COL1A1: variants seen among roughly 807,000 people sequenced by gnomAD.
COL1A1 encodes collagen type I alpha 1 chain.
Under a neutral mutation model 195.7 loss-of-function variants are expected in COL1A1, and 21 were observed. That is an observed-to-expected ratio of 0.11 (90% CI 0.08 to 0.15). The LOEUF (loss-of-function observed/expected upper bound fraction) is 0.15, where lower values mean the gene tolerates loss of function less well. Ranked by LOEUF, COL1A1 falls within the 10% of genes least tolerant of loss-of-function variation. The probability of loss-of-function intolerance (pLI) is 1.00; values close to 1 mark genes in which losing one functional copy is unlikely to be tolerated. For missense variants in COL1A1, 1,365 were observed against 2,051.0 expected, an observed-to-expected ratio of 0.67 and a Z score of 6.46; for synonymous variants, 749 against 747.3, an observed-to-expected ratio of 1.00 and a Z score of -0.04.
rs1906242897 is a variant in COL1A1 at position 50,184,117 on chromosome 17, A to G, written c.*1385T>C. On this transcript the variant is annotated 3_prime_UTR_variant, in exon 51 of 51. Coordinates refer to ENST00000225964, the MANE Select transcript of COL1A1 (RefSeq NM_000088.4). ...CGGATTATGTTTGGGTCATTTCCAC[A>G]TGCTTTATTCCAGCAATCAAAATAA... The G allele has an allele frequency of 1.0e-5, 2 of 198,056 alleles. No individual in the cohort carries two copies. The highest frequency in any genetic ancestry group is 1.2e-4 in the Admixed American group (2 of 16,494). 12.3% of individuals were successfully genotyped at this position (198,056 alleles called of 1,614,324 possible).
rs902953578 is a variant in COL1A1, at chr17:50,196,298, G to A, written c.957+16C>T. The stretch of plus-strand genomic sequence containing the variant: ...TCCAGAGCTCAGGGATCCCCCAAGG[G>A]GCCAGGAGTACTTACAGCAGGGCCA... On this transcript the variant is annotated intron_variant, in intron 14 of 50. Transcript: ENST00000225964. The A allele has an allele frequency of 1.9e-6, 3 of 1,607,700 alleles. No homozygotes were observed. The highest frequency in any genetic ancestry group is 1.3e-5 in the African/African-American group (1 of 74,826).
intron 14 of COL1A1, 33 bp from the exon 15 acceptor site, chr17:50,196,232 A>C: frequency 1.2e-6 from 2 of 1,613,752 alleles, no homozygotes; most frequent in South Asian, 1.1e-5. Context: ...CGTTAAGTCC[A>C]CTGAGCACTG....
At position 50,187,356 on chromosome 17, in the gene COL1A1, C is replaced by T. The variant is rs2696245; in HGVS notation, c.3423+128G>A. ...AGATTGTTTGTTCAGGATTCTTCCTCTCTTTGCCCACTCCCTGTCCCTGAA... is the reference window on the plus strand; with the variant it reads ...AGATTGTTTGTTCAGGATTCTTCCTTTCTTTGCCCACTCCCTGTCCCTGAA... On this transcript the variant is annotated intron_variant, in intron 46 of 50. Coordinates refer to ENST00000225964, the MANE Select transcript of COL1A1 (RefSeq NM_000088.4). The T allele has an allele frequency of 0.98, 961,925 of 979,908 alleles. 472,242 individuals carry two copies. Among genetic ancestry groups the T allele is most frequent in the East Asian group, 1 (38,812 of 38,812 alleles). 60.7% of individuals were successfully genotyped at this position (979,908 alleles called of 1,614,324 possible).
At position 50,197,929 on chromosome 17, in the gene COL1A1, T is replaced by G. The variant is rs1294275712; in HGVS notation, c.642+20A>C. On this transcript the variant is annotated intron_variant, in intron 8 of 50. Coordinates refer to ENST00000225964, the MANE Select transcript of COL1A1 (RefSeq NM_000088.4). Reference sequence around the variant, plus strand: ...TGTGTGTTTGTAGAAGGAGTATGAATCTGTATAGAGAGTGCTTACTGAAGC... The same window carrying G: ...TGTGTGTTTGTAGAAGGAGTATGAAGCTGTATAGAGAGTGCTTACTGAAGC... 6 of 1,611,664 alleles carry G rather than the reference T, an allele frequency of 3.7e-6. No individual in the cohort carries two copies. The highest frequency in any genetic ancestry group is 5.1e-6 in the Non-Finnish European group (6 of 1,178,056).
rs1454872238 is a variant in COL1A1 at position 50,190,225 on chromosome 17, C to T, written c.2451+102G>A. The T allele has an allele frequency of 3.1e-5, 39 of 1,241,872 alleles. No individual in the cohort carries two copies. In the East Asian group the frequency reaches 8.8e-4, roughly 28 times the overall value. The allele number at this position is 1,241,872 out of a possible 1,614,324, so 76.9% of individuals were successfully genotyped here. On this transcript the variant is annotated intron_variant, in intron 35 of 50. Coordinates refer to ENST00000225964, the MANE Select transcript of COL1A1 (RefSeq NM_000088.4). This position sits in a 1 kb window ranked among gnomAD's most constrained non-coding sequence, Gnocchi z 4.7. ...TGGGTGGGAAACAATCCCGTCTCCA[C>T]CCTTCTCCCCTGAGGATGGCTGACG...
chr17:50,192,373 T>C, intron 29 of COL1A1, 102 bp downstream of exon 29: 1 of 1,351,568 alleles, frequency 7.4e-7, no homozygotes, highest in Non-Finnish European at 1.0e-6. Flanking sequence ...GCGTCTAACC[T>C]CAATCCCTCT....
Position 50,195,912 on chromosome 17 carries a change from G to A in COL1A1, c.1056+11C>T. 3 of 1,573,948 alleles carry A rather than the reference G, an allele frequency of 1.9e-6. No individual in the cohort carries two copies. The highest frequency in any genetic ancestry group is 2.6e-6 in the Non-Finnish European group (3 of 1,159,002). On this transcript the variant is annotated intron_variant, in intron 16 of 50. Coordinates refer to ENST00000225964, the MANE Select transcript of COL1A1 (RefSeq NM_000088.4). This position sits in a 1 kb window ranked among gnomAD's most constrained non-coding sequence, Gnocchi z 4.3. ...TGAGGGTCATGCTTAGAGGAGAGTG[G>A]GGGGTCTCACCTTAGCACCAACAGC...
At position 50,191,799 on chromosome 17, in the gene COL1A1, C is replaced by T. The variant is rs372215246; in HGVS notation, c.2116G>A (p.Asp706Asn). The change falls in exon 31 of 51, where the codon GAT (aspartate) becomes AAT (asparagine). Residue 706 changes from aspartate (D) to asparagine (N), a missense_variant. Transcript: ENST00000225964. Reference sequence around the variant, plus strand: ...CACGCTGCCCTCACCTTAGCACCATCGTTGCCGGGAGCACCGTTGGCCCCT... The same window carrying T: ...CACGCTGCCCTCACCTTAGCACCATTGTTGCCGGGAGCACCGTTGGCCCCT... Reference protein sequence around the residue: ...PRGANGAPGNDGAKGDAGAPG... With the variant: ...PRGANGAPGNNGAKGDAGAPG... The T allele has an allele frequency of 7.9e-5, 125 of 1,586,252 alleles. No individual in the cohort carries two copies. The highest frequency in any genetic ancestry group is 1.7e-4 in the Middle Eastern group (1 of 6,042).
chr17:50,192,466 C>A lies in COL1A1; in HGVS notation c.1983+9G>T, dbSNP rs201091992. Reference sequence around the variant, plus strand: ...TCTCCCACCCCTCTGGCCGGCTGCTCCCTCTTACCTGTTCACCAGGTTTGC... The same window carrying A: ...TCTCCCACCCCTCTGGCCGGCTGCTACCTCTTACCTGTTCACCAGGTTTGC... On this transcript the variant is annotated intron_variant, in intron 29 of 50. Transcript: ENST00000225964. The A allele has an allele frequency of 5.2e-4, 830 of 1,606,106 alleles. 11 individuals are homozygous for A. The South Asian group carries it at 8.9e-3, about 17-fold the overall frequency.
chr17:50,201,287 C>T lies in COL1A1; in HGVS notation c.103+124G>A. The T allele has an allele frequency of 3.3e-6, 3 of 915,514 alleles. No homozygotes were observed. In the South Asian group the frequency reaches 4.3e-5, roughly 13 times the overall value. The allele number at this position is 915,514 out of a possible 1,614,324, so 56.7% of individuals were successfully genotyped here. On this transcript the variant is annotated intron_variant, in intron 1 of 50. Transcript: ENST00000225964. ...TCTCAGGGCGCCGAGGAAGAGCCCT[C>T]ATCATCTCCCTTCCATTCCCGAGTC...
Position 50,201,444 on chromosome 17 carries a change from C to G in COL1A1, c.70G>C (p.Glu24Gln). The change falls in exon 1 of 51, where the codon GAG (glutamate) becomes CAG (glutamine). Residue 24 changes from glutamate (E) to glutamine (Q), a missense_variant. Transcript: ENST00000225964. ...AATALLTHGQ[E>Q]EGQVEGQDED... ...TCTTGGCCCTCGACTTGGCCTTCCT[C>G]TTGGCCGTGCGTCAGGAGGGCGGTG... 6.2e-7 allele frequency: 1 copy of G among 1,613,772 alleles called. No individual in the cohort carries two copies. The highest frequency in any genetic ancestry group is 8.5e-7 in the Non-Finnish European group (1 of 1,180,040).
Position 50,190,893 on chromosome 17 carries a change from G to C in COL1A1, c.2267C>G (p.Ser756Cys). ...ACCACGGACGCCATCTTTGCCAGGA[G>C]AGCCATCAGCACCTTTGGGACCAGC... ...GDAGPKGADGSPGKDGVRGLT... is the reference protein window; with the variant it reads ...GDAGPKGADGCPGKDGVRGLT... The change falls in exon 33 of 51, where the codon TCT becomes TGT. Residue 756 changes from serine to cysteine, a missense_variant. Transcript: ENST00000225964. This position sits in a 1 kb window ranked among gnomAD's most constrained non-coding sequence, Gnocchi z 4.7. The C allele has an allele frequency of 6.2e-7, 1 of 1,613,994 alleles. No individual in the cohort carries two copies. Among genetic ancestry groups the C allele is most frequent in the South Asian group, 1.1e-5 (1 of 91,078 alleles).
At chr17:50,187,298 C>T (rs140619158) in intron 46 of COL1A1, among the ~76,000 whole-genome samples, 176 bp from the exon 47 acceptor site, 22 of 152,296 alleles carry the variant, frequency 1.4e-4, no homozygotes, top group Admixed American at 2.6e-4. Context: ...CAGGGGAGGA[C>T]GGATTGGGGA....
At chr17:50,191,243 G>A (rs1907048968) in intron 32 of COL1A1, 140 bp downstream of exon 32, 4 of 854,442 alleles carry the variant, frequency 4.7e-6, no homozygotes, top group Non-Finnish European at 7.8e-6. Flanking sequence ...TCAGCAAAAA[G>A]GCCAGAGGGG....
intron 4 of COL1A1, 44 bp downstream of exon 4, chr17:50,199,374 C>T: frequency 6.2e-7 from 1 of 1,611,164 alleles, no homozygotes. Flanking sequence ...GGCCGAGAGC[C>T]ATGCCCACCT....
rs772604284 is a variant in COL1A1, at chr17:50,196,142, A to G, written c.1002+13T>C. On this transcript the variant is annotated intron_variant, in intron 15 of 50. Coordinates refer to ENST00000225964, the MANE Select transcript of COL1A1 (RefSeq NM_000088.4). ...CCCACTCCCAGGCCCTGAGGCCTAC[A>G]GGCCACACTCACAGGGGGCCCGGCA... 1 of 1,613,868 alleles carries G rather than the reference A, an allele frequency of 6.2e-7. No homozygotes were observed.
rs41316675 is a variant in COL1A1, at chr17:50,190,413, G to T, written c.2398-33C>A. Reference sequence around the variant, plus strand: ...AAAAGGAGTCAGATTGGAGAGATGCGCTGACAGGAGGGAAGGCGGGGATGC... The same window carrying T: ...AAAAGGAGTCAGATTGGAGAGATGCTCTGACAGGAGGGAAGGCGGGGATGC... On this transcript the variant is annotated intron_variant, in intron 34 of 50. Coordinates refer to ENST00000225964, the MANE Select transcript of COL1A1 (RefSeq NM_000088.4). The surrounding 1 kb of genome is among the most constrained non-coding windows in gnomAD (Gnocchi z 4.7). 38 of 1,598,872 alleles carry T rather than the reference G, an allele frequency of 2.4e-5. No individual in the cohort carries two copies. The East Asian group carries it at 5.4e-4, about 23-fold the overall frequency.
In COL1A1 at chr17:50,196,285, G is replaced by T. The variant is rs755960452; in HGVS notation, c.957+29C>A. On this transcript the variant is annotated intron_variant, in intron 14 of 50. Coordinates refer to ENST00000225964, the MANE Select transcript of COL1A1 (RefSeq NM_000088.4). ...CTGGGGAGCCCCTTCCAGAGCTCAG[G>T]GATCCCCCAAGGGGCCAGGAGTACT... 4.4e-6 allele frequency: 7 copies of T among 1,608,386 alleles called. No individual in the cohort carries two copies. The South Asian group carries it at 6.6e-5, about 15-fold the overall frequency.
chr17:50,191,354 G>C (rs750996990), intron 32 of COL1A1, 29 bp downstream of exon 32: 2 of 1,586,972 alleles, frequency 1.3e-6, no homozygotes, highest in Admixed American at 3.3e-5. Context: ...GCCATGTAGG[G>C]CTCAGGGGAG....
Sources: gnomAD v4.1 joint callset for allele counts (sites outside exome capture counted in the v4.1 genomes callset) on GRCh38, gnomAD v4.1.1 for gene constraint, Gnocchi (gnomAD v3.1) non-coding constraint, MANE v1.5 for transcripts, NCBI Gene and HGNC (gene_info 2026-07-23, HGNC 2026-07-21) for gene names.